ERFE: variants seen among roughly 807,000 people sequenced by gnomAD.
ERFE encodes the protein erythroferrone, also known as complement C1q tumor necrosis factor-related protein 15.
Under a neutral mutation model 26.6 loss-of-function variants are expected in ERFE, and 25 were observed. The ratio of observed to expected loss-of-function variants is 0.94; its 90% confidence interval spans 0.69 to 1.31. The LOEUF (loss-of-function observed/expected upper bound fraction) is 1.31, where lower values mean the gene tolerates loss of function less well. Ranked by LOEUF, ERFE falls within the 40% of genes most tolerant of loss-of-function variation. The pLI is 0.00. For missense variants in ERFE, 447 were observed against 440.2 expected (o/e 1.02, Z -0.14); for synonymous variants, 206 against 204.5 (o/e 1.01, Z -0.06).
chr2:238,165,487 C>T, intron 6 of ERFE, 119 bp from the exon 7 acceptor site: 1 of 793,976 alleles, frequency 1.3e-6, no homozygotes, highest in Admixed American at 2.1e-5. Flanking sequence ...CACTGGAAGA[C>T]CTGGCCAGGG....
In ERFE at chr2:238,164,255, C is replaced by T. The variant is rs1404043002; in HGVS notation, c.797-15C>T. ...GCCGCCCGCCCGCTTGACCACGTCC[C>T]ACCCTCCCCCGCAGCGCTCGGGGAG... On this transcript the variant is annotated splice_polypyrimidine_tract_variant and intron_variant, in intron 5 of 7. Coordinates refer to ENST00000546354, the MANE Select transcript of ERFE (RefSeq NM_001291832.2). 1 of 1,489,954 alleles carries T rather than the reference C, an allele frequency of 6.7e-7. No homozygotes were observed. Among genetic ancestry groups the T allele is most frequent in the Non-Finnish European group, 8.9e-7 (1 of 1,127,378 alleles). The allele number at this position is 1,489,954 out of a possible 1,614,324, so 92.3% of individuals were successfully genotyped here.
intron 7 of ERFE, among the ~76,000 whole-genome samples, chr2:238,166,227 T>C (rs1693033475): frequency 6.6e-6 from 1 of 152,206 alleles, no homozygotes; most frequent in African/African-American, 2.4e-5. Flanking sequence ...TGCAGGTGTG[T>C]GGAATAACAG....
intron 3 of ERFE, 112 bp from the exon 4 acceptor site, chr2:238,163,625 C>G (rs1248107174): frequency 8.4e-7 from 1 of 1,193,286 alleles, no homozygotes; most frequent in African/African-American, 1.6e-5. Context: ...CTCGCCCCAC[C>G]CCTGCGCCCG....
At chr2:238,164,546 C>G (rs966173899) in intron 6 of ERFE, 186 bp downstream of exon 6, 2 of 593,298 alleles carry the variant, frequency 3.4e-6, no homozygotes, top group Non-Finnish European at 5.8e-6. Flanking sequence ...TTCACAGCAA[C>G]TGGGAGCTGT....
intron 2 of ERFE, 52 bp from the exon 3 acceptor site, chr2:238,162,684 G>C (rs781666605): frequency 6.7e-6 from 8 of 1,199,212 alleles, no homozygotes; most frequent in Non-Finnish European, 9.7e-6. Context: ...AGGGGATGCT[G>C]TGGCTCCCAG....
At position 238,167,055 on chromosome 2, in the gene ERFE, G is replaced by C. The variant is rs918862541; in HGVS notation, c.*1G>C. ...CAGTGCTGTCCTCCTGGGCGTGTGAGCGGCCACCACAGGCCCTTCCTCTCA... is the reference window on the plus strand; with the variant it reads ...CAGTGCTGTCCTCCTGGGCGTGTGACCGGCCACCACAGGCCCTTCCTCTCA... On this transcript the variant is annotated 3_prime_UTR_variant, in exon 8 of 8. Transcript: ENST00000546354. 4.5e-6 allele frequency: 7 copies of C among 1,549,938 alleles called. No homozygotes were observed. Among genetic ancestry groups the C allele is most frequent in the African/African-American group, 2.7e-5 (2 of 73,062 alleles).
chr2:238,164,645 G>C (rs1463413521), intron 6 of ERFE: 5 of 431,306 alleles, frequency 1.2e-5, no homozygotes, highest in African/African-American at 2.1e-5. Flanking sequence ...ACGAGGTCAG[G>C]AGATCGAGAC....
At position 238,160,788 on chromosome 2, in the gene ERFE, C is replaced by T. The variant is rs548406612; in HGVS notation, c.199-806C>T. ...CCAGGGTCCTTCCGTCAGCCCCCAG[C>T]GTCAGCACCCATGACCTCATCTAAG... On this transcript the variant is annotated intron_variant, in intron 1 of 7. Coordinates refer to ENST00000546354, the MANE Select transcript of ERFE (RefSeq NM_001291832.2). Among the ~76,000 whole-genome samples, 61 of 152,314 alleles carry T rather than the reference C, an allele frequency of 4.0e-4. 1 individual carries two copies. The highest frequency in any genetic ancestry group is 5.2e-4 in the Admixed American group (8 of 15,288).
At position 238,168,451 on chromosome 2, in the gene ERFE, A is replaced by G. The variant is rs567353423; in HGVS notation, c.*1397A>G. ...GGCGCTCAGGCCTGGGAGAGAAGGG[A>G]GCAATGGCCAGTCACCTTCACCTTC... is the stretch of plus-strand genomic sequence containing the variant. On this transcript the variant is annotated 3_prime_UTR_variant, in exon 8 of 8. Coordinates refer to ENST00000546354, the MANE Select transcript of ERFE (RefSeq NM_001291832.2). 1.1e-5 allele frequency: 5 copies of G among 470,950 alleles called. No individual in the cohort carries two copies. Among genetic ancestry groups the G allele is most frequent in the African/African-American group, 1.0e-4 (5 of 50,074 alleles). 29.2% of individuals were successfully genotyped at this position (470,950 alleles called of 1,614,324 possible). A position where few individuals can be genotyped will look rare whatever the true frequency, so the allele number is the denominator to read the frequency against.
chr2:238,160,366 A>T (rs566177235), intron 1 of ERFE, among the ~76,000 whole-genome samples: 1 of 152,314 alleles, frequency 6.6e-6, no homozygotes, highest in Admixed American at 6.5e-5. Flanking sequence ...GCCACAGGCC[A>T]CAGGTGCAGC....
Position 238,168,524 on chromosome 2 carries a change from T to C in ERFE, c.*1470T>C, listed in dbSNP as rs548195200. 6.5e-6 allele frequency: 3 copies of C among 458,290 alleles called. No individual in the cohort carries two copies. Among genetic ancestry groups the C allele is most frequent in the Non-Finnish European group, 1.4e-5 (3 of 220,606 alleles). The allele number at this position is 458,290 out of a possible 1,614,324, so 28.4% of individuals were successfully genotyped here. A position where few individuals can be genotyped will look rare whatever the true frequency, so the allele number is the denominator to read the frequency against. ...GGTGGCTGCCACCAGGCCCGAATGA[T>C]CCCCAGGAGCCCAGCTTCCAAACCC... On this transcript the variant is annotated 3_prime_UTR_variant, in exon 8 of 8. Coordinates refer to ENST00000546354, the MANE Select transcript of ERFE (RefSeq NM_001291832.2).
At chr2:238,162,459 C>T (rs1559281768) in intron 2 of ERFE, among the ~76,000 whole-genome samples, 1 of 152,266 alleles carries the variant, frequency 6.6e-6, no homozygotes, top group African/African-American at 2.4e-5. Context: ...CTTCTTCCCT[C>T]CACGAGGCCT....
rs1693049414 is a variant in ERFE at position 238,167,095 on chromosome 2, A to G, written c.*41A>G. The G allele has an allele frequency of 6.6e-7, 1 of 1,522,164 alleles. No homozygotes were observed. Among genetic ancestry groups the G allele is most frequent in the South Asian group, 1.2e-5 (1 of 83,580 alleles). The allele number at this position is 1,522,164 out of a possible 1,614,324, so 94.3% of individuals were successfully genotyped here. On this transcript the variant is annotated 3_prime_UTR_variant, in exon 8 of 8. Coordinates refer to ENST00000546354, the MANE Select transcript of ERFE (RefSeq NM_001291832.2). ...CCTTCCTCTCAGGGGCAAATGGAGCACAGATCTAGACAATGTGTGGACAGT... is the reference window on the plus strand; with the variant it reads ...CCTTCCTCTCAGGGGCAAATGGAGCGCAGATCTAGACAATGTGTGGACAGT...
chr2:238,161,603 G>C lies in ERFE; in HGVS notation c.208G>C (p.Ala70Pro), dbSNP rs892908116. The C allele has an allele frequency of 3.9e-6, 6 of 1,533,020 alleles. No homozygotes were observed. The East Asian group carries it at 7.4e-5, about 19-fold the overall frequency. 95.0% of individuals were successfully genotyped at this position (1,533,020 alleles called of 1,614,324 possible). The change falls in exon 2 of 8, where the codon GCT (alanine) becomes CCT (proline). Residue 70 changes from alanine to proline, a missense_variant. By Grantham distance (27) the Ala-to-Pro change is conservative. Coordinates refer to ENST00000546354, the MANE Select transcript of ERFE (RefSeq NM_001291832.2). ...GCTGGCTGTGTTCCAGGAGCCCACCGCTGAGCGTGCACACAGCGTCGACCC... is the reference window on the plus strand; with the variant it reads ...GCTGGCTGTGTTCCAGGAGCCCACCCCTGAGCGTGCACACAGCGTCGACCC... ...GPAARPPEPT[A>P]ERAHSVDPRD... is the part of the protein sequence containing the mutation.
rs899393922 is a variant in ERFE at position 238,163,600 on chromosome 2, C to T, written c.425-137C>T. 41 of 1,072,344 alleles carry T rather than the reference C, an allele frequency of 3.8e-5. No individual in the cohort carries two copies. In the African/African-American group the frequency reaches 5.3e-4, roughly 14 times the overall value. The allele number at this position is 1,072,344 out of a possible 1,614,324, so 66.4% of individuals were successfully genotyped here. ...GCAAAGACTCCGAGGCCCTTCAGGCCGAGGGGACGTCGCCCTCGCCCCACC... is the reference window on the plus strand; with the variant it reads ...GCAAAGACTCCGAGGCCCTTCAGGCTGAGGGGACGTCGCCCTCGCCCCACC... On this transcript the variant is annotated intron_variant, in intron 3 of 7. Coordinates refer to ENST00000546354, the MANE Select transcript of ERFE (RefSeq NM_001291832.2).
chr2:238,162,415 C>A, intron 2 of ERFE, among the ~76,000 whole-genome samples: 1 of 152,186 alleles, frequency 6.6e-6, no homozygotes, highest in Non-Finnish European at 1.5e-5. Flanking sequence ...CAGTGCAGAC[C>A]CTGAGATGCA....
rs767677234 is a variant in ERFE at position 238,167,087 on chromosome 2, A to G, written c.*33A>G. ...CCACAGGCCCTTCCTCTCAGGGGCA[A>G]ATGGAGCACAGATCTAGACAATGTG... On this transcript the variant is annotated 3_prime_UTR_variant, in exon 8 of 8. Transcript: ENST00000546354. 6.5e-7 allele frequency: 1 copy of G among 1,533,608 alleles called. No individual in the cohort carries two copies. Among genetic ancestry groups the G allele is most frequent in the South Asian group, 1.2e-5 (1 of 83,796 alleles).
rs973890941 is a variant in ERFE, at chr2:238,164,072, C to T, written c.688-3C>T. On this transcript the variant is annotated splice_polypyrimidine_tract_variant and splice_region_variant and intron_variant, in intron 4 of 7. Transcript: ENST00000546354. ...CCGGGGTGACCATCCGTGCCCCTCGCAGCCCGACGCCGAGGGTGCCTTCCG... is the reference window on the plus strand; with the variant it reads ...CCGGGGTGACCATCCGTGCCCCTCGTAGCCCGACGCCGAGGGTGCCTTCCG... The T allele has an allele frequency of 9.9e-6, 14 of 1,415,362 alleles. No homozygotes were observed. In the African/African-American group the frequency reaches 1.8e-4, roughly 18 times the overall value. 87.7% of individuals were successfully genotyped at this position (1,415,362 alleles called of 1,614,324 possible).
At position 238,165,600 on chromosome 2, in the gene ERFE, G is replaced by A; in HGVS notation, c.888-6G>A. The A allele has an allele frequency of 1.3e-6, 2 of 1,546,520 alleles. No homozygotes were observed. Among genetic ancestry groups the A allele is most frequent in the Non-Finnish European group, 1.7e-6 (2 of 1,143,576 alleles). On this transcript the variant is annotated splice_region_variant and splice_polypyrimidine_tract_variant and intron_variant, in intron 6 of 7. Coordinates refer to ENST00000546354, the MANE Select transcript of ERFE (RefSeq NM_001291832.2). ...CAGGCTGACCCTCCCTCTGTTTTGG[G>A]TACAGCTCCCTGGAGGCCATCATGG... is the stretch of plus-strand genomic sequence containing the variant.
Sources: gnomAD v4.1 joint callset for allele counts (sites outside exome capture counted in the v4.1 genomes callset) on GRCh38, gnomAD v4.1.1 for gene constraint, MANE v1.5 for transcripts, NCBI Gene and HGNC (gene_info 2026-07-23, HGNC 2026-07-21) for gene names.